Variants in DNAH10 observed in about 807,000 individuals in gnomAD.
DNAH10 encodes dynein axonemal heavy chain 10.
In DNAH10, 348 loss-of-function variants were observed where a neutral mutation model predicts 506.6. The ratio of observed to expected loss-of-function variants is 0.69; its 90% CI spans 0.63 to 0.75. The LOEUF is 0.75. Among genes scored for constraint, DNAH10 ranks in the 30% least tolerant of loss-of-function variants. DNAH10 has a pLI of 0.00. For synonymous variants in DNAH10, 2,059 were observed against 2,198.6 expected (o/e 0.94, Z 1.78); for missense variants, 5,179 against 5,787.1 (o/e 0.89, Z 3.41).
Position 123,918,905 on chromosome 12 carries a change from T to C in DNAH10, c.11462T>C (p.Ile3821Thr), listed in dbSNP as rs1954606838. Reference sequence around the variant, plus strand: ...ATCCTCATGAAACGCCTGAGGAACATCATGGACACGCTGACCTTCAGCATC... The same window carrying C: ...ATCCTCATGAAACGCCTGAGGAACACCATGGACACGCTGACCTTCAGCATC... Reference protein sequence around the residue: ...DSILMKRLRNIMDTLTFSIYN... With the variant: ...DSILMKRLRNTMDTLTFSIYN... Residue 3821 changes from isoleucine to threonine, a missense_variant, in exon 65 of 79, where the codon ATC (isoleucine) becomes ACC (threonine). By Grantham distance (89) the Ile-to-Thr change is moderately conservative. Around this residue, in one of 3 missense-constraint regions of DNAH10, gnomAD observed 4,844 missense variants for 5,430.5 expected, o/e 0.89. Transcript: ENST00000673944. 1 of 1,613,792 alleles carries C rather than the reference T, an allele frequency of 6.2e-7. No individual in the cohort carries two copies. Among genetic ancestry groups the C allele is most frequent in the East Asian group, 2.2e-5 (1 of 44,872 alleles).
intron 56 of DNAH10, among the ~76,000 whole-genome samples, chr12:123,900,174 CA>C: frequency 6.6e-6 from 1 of 152,314 alleles, no homozygotes; most frequent in Non-Finnish European, 1.5e-5. Flanking sequence ...GAACTTTGAT[CA>C]AATGCCTCAT....
Position 123,853,555 on chromosome 12 carries a change from A to G in DNAH10, c.6438+203A>G, listed in dbSNP as rs185800671. On this transcript the variant is annotated intron_variant, in intron 36 of 78. Transcript: ENST00000673944. This position sits in a 1 kb window ranked among gnomAD's most constrained non-coding sequence, Gnocchi z 4.7. Reference sequence around the variant, plus strand: ...AATTACACTTAGTACCTTAAGGTCAAGTGCAATGTCTTCGCTCCAATAGCA... The same window carrying G: ...AATTACACTTAGTACCTTAAGGTCAGGTGCAATGTCTTCGCTCCAATAGCA... 1.3e-4 allele frequency among the ~76,000 whole-genome samples: 20 copies of G among 152,276 alleles called. No homozygotes were observed. Among genetic ancestry groups the G allele is most frequent in the African/African-American group, 4.8e-4 (20 of 41,544 alleles).
At chr12:123,847,022 A>C (rs1418605322) in intron 32 of DNAH10, among the ~76,000 whole-genome samples, 1 of 152,196 alleles carries the variant, frequency 6.6e-6, no homozygotes, top group African/African-American at 2.4e-5. Flanking sequence ...AGGGTTCCAC[A>C]GAGAAATAGA....
In DNAH10 at chr12:123,841,386, C is replaced by A. The variant is rs1381541351; in HGVS notation, c.5201C>A (p.Ala1734Glu). The change falls in exon 30 of 79, where the codon GCG (alanine) becomes GAG (glutamate). Residue 1734 changes from alanine (A) to glutamate (E), a missense_variant. By Grantham distance (107) the Ala-to-Glu change is moderately radical (BLOSUM62 -1). Transcript: ENST00000673944. The stretch of plus-strand genomic sequence containing the variant: ...GATAGTGGAGAAAAACTGGTGTCCG[C>A]GATGATTTCAGCAGAAGGAGAAGTC... ...DGDSGEKLVSAMISAEGEVME... is the reference protein window; with the variant it reads ...DGDSGEKLVSEMISAEGEVME... 6.2e-7 allele frequency: 1 copy of A among 1,613,910 alleles called. No homozygotes were observed. Among genetic ancestry groups the A allele is most frequent in the South Asian group, 1.1e-5 (1 of 91,072 alleles).
intron 51 of DNAH10, among the ~76,000 whole-genome samples, 176 bp from the exon 52 acceptor site, chr12:123,886,966 C>A (rs1480674051): frequency 1.3e-5 from 2 of 152,140 alleles, no homozygotes; most frequent in Admixed American, 6.5e-5. Flanking sequence ...ATGGGGCTTC[C>A]CCCTCCTCTG....
intron 67 of DNAH10, among the ~76,000 whole-genome samples, chr12:123,924,642 C>T (rs1178614464): frequency 6.7e-6 from 1 of 150,254 alleles, no homozygotes; most frequent in Non-Finnish European, 1.5e-5. Context: ...GTCCGTCCGT[C>T]CATCCATCCA....
intron 13 of DNAH10, among the ~76,000 whole-genome samples, chr12:123,797,396 CTT>C (rs112287083): frequency 2.7e-4 from 38 of 142,678 alleles, no homozygotes; most frequent in East Asian, 4.1e-4. Flanking sequence ...TTTTCTTTTT[CTT>C]TTTTTTTTTT....
At chr12:123,867,099 G>C (rs898700761) in intron 41 of DNAH10, among the ~76,000 whole-genome samples, 7 of 152,200 alleles carry the variant, frequency 4.6e-5, no homozygotes, top group African/African-American at 1.7e-4. Context: ...GGTGGTGATT[G>C]GTGCTTTGAT....
chr12:123,823,765 AT>A (rs1301240610), intron 24 of DNAH10, among the ~76,000 whole-genome samples: 26 of 147,058 alleles, frequency 1.8e-4, no homozygotes, highest in African/African-American at 6.5e-4. Context: ...CAATCCAATT[AT>A]GCTCCTTTAG....
chr12:123,910,066 C>T lies in DNAH10; in HGVS notation c.9998-470C>T, dbSNP rs112600334. Among the ~76,000 whole-genome samples the T allele has an allele frequency of 6.7e-3, 1,021 of 152,330 alleles. 9 individuals carry two copies. Among genetic ancestry groups the T allele is most frequent in the African/African-American group, 0.022 (924 of 41,566 alleles). ...GGTTTATTTAGACTCTTATCAAATGCTTTTTCTTAGCCCCTTAAAAACAAA... is the reference window on the plus strand; with the variant it reads ...GGTTTATTTAGACTCTTATCAAATGTTTTTTCTTAGCCCCTTAAAAACAAA... On this transcript the variant is annotated intron_variant, in intron 58 of 78. Transcript: ENST00000673944.
At chr12:123,901,890 A>G (rs988715196) in intron 56 of DNAH10, among the ~76,000 whole-genome samples, 1 of 152,018 alleles carries the variant, frequency 6.6e-6, no homozygotes, top group Non-Finnish European at 1.5e-5. Context: ...CGAACTCCCA[A>G]CCTTAGGTGA....
Position 123,783,810 on chromosome 12 carries a change from AG to A in DNAH10, c.1000-134del, listed in dbSNP as rs199744507. 5.1e-3 allele frequency: 3,670 copies of A among 726,722 alleles called. 79 individuals carry two copies. In the African/African-American group the frequency reaches 0.053, roughly 11 times the overall value. 45.0% of individuals were successfully genotyped at this position (726,722 alleles called of 1,614,324 possible). The stretch of plus-strand genomic sequence containing the variant: ...GAGATTCACTATGATTGGACCACCC[AG>A]GGTCAAGAGCCCACCCCTGAAGACC... On this transcript the variant is annotated intron_variant, in intron 7 of 78. Transcript: ENST00000673944.
intron 36 of DNAH10, among the ~76,000 whole-genome samples, chr12:123,856,574 C>T (rs1951400256): frequency 6.6e-6 from 1 of 150,888 alleles, no homozygotes; most frequent in Non-Finnish European, 1.5e-5. Context: ...TCAGGTTATC[C>T]ACCCACCTCA....
Position 123,897,924 on chromosome 12 carries a change from C to T in DNAH10, c.9435C>T (p.Asn3145=), listed in dbSNP as rs1375846694. The stretch of plus-strand genomic sequence containing the variant: ...CCAAGAACTACCTTGATTTTATTAA[C>T]ACCTATTCAAAATTGCTGGATGAGA... ...VTPKNYLDFI[N]TYSKLLDEKT... The change falls in exon 55 of 79, where the codon AAC becomes AAT. Residue 3145 remains asparagine, a synonymous_variant. Transcript: ENST00000673944. The T allele has an allele frequency of 1.2e-6, 2 of 1,601,952 alleles. No individual in the cohort carries two copies. Among genetic ancestry groups the T allele is most frequent in the East Asian group, 4.5e-5 (2 of 44,544 alleles).
intron 52 of DNAH10, among the ~76,000 whole-genome samples, chr12:123,889,983 T>C (rs1444681986): frequency 6.6e-6 from 1 of 152,198 alleles, no homozygotes; most frequent in Non-Finnish European, 1.5e-5. Flanking sequence ...GGGACCCCTG[T>C]GATCGTCTCC....
rs900883107 is a variant in DNAH10, at chr12:123,770,089, A to C, written c.299-1512A>C. Among the ~76,000 whole-genome samples the C allele has an allele frequency of 2.0e-5, 3 of 151,756 alleles. No homozygotes were observed. The East Asian group carries it at 5.8e-4, about 29-fold the overall frequency. On this transcript the variant is annotated intron_variant, in intron 2 of 78. Transcript: ENST00000673944. The stretch of plus-strand genomic sequence containing the variant: ...AACCCATCTCTACTAAAAACACAAA[A>C]ATTAGCCAGGTAGCCAGGCATGGTG...
chr12:123,926,650 C>G lies in DNAH10; in HGVS notation c.11935C>G (p.Pro3979Ala). 1 of 1,613,456 alleles carries G rather than the reference C, an allele frequency of 6.2e-7. No homozygotes were observed. Among genetic ancestry groups the G allele is most frequent in the Non-Finnish European group, 8.5e-7 (1 of 1,179,676 alleles). ...TTCTTTCACCAGGTATGTGCAGCCC[C>G]CAATGATCAGCTTTGAAGCTATTTT... ...VTMGEKYVQP[P>A]MISFEAIFEQ... The change falls in exon 69 of 79, where the codon CCA (proline) becomes GCA (alanine). Residue 3979 changes from proline to alanine, a missense_variant. Coordinates refer to ENST00000673944, the MANE Select transcript of DNAH10 (RefSeq NM_001372106.1). This position sits in a 1 kb window ranked among gnomAD's most constrained non-coding sequence, Gnocchi z 4.1.
chr12:123,773,592 C>T (rs564239988), intron 4 of DNAH10, among the ~76,000 whole-genome samples: 1 of 152,342 alleles, frequency 6.6e-6, no homozygotes, highest in Admixed American at 6.5e-5. Flanking sequence ...GATCTGGCAT[C>T]TGGTGAGGGC....
intron 40 of DNAH10, 64 bp downstream of exon 40, chr12:123,864,794 T>C (rs1317849303): frequency 1.3e-6 from 2 of 1,530,092 alleles, no homozygotes; most frequent in Non-Finnish European, 1.8e-6. Flanking sequence ...TGCAAATGTT[T>C]GTTAAAGTAG....
Sources: allele counts gnomAD v4.1 joint callset (sites outside exome capture counted in the v4.1 genomes callset), GRCh38; gene constraint gnomAD v4.1.1; regional missense constraint gnomAD v4.1.1; non-coding constraint Gnocchi (gnomAD v3.1); transcripts MANE v1.5; gene names NCBI Gene and HGNC (gene_info 2026-07-23, HGNC 2026-07-21).